The following ENTREP2 variants were observed in gnomAD, a reference collection of about 807,000 sequenced individuals.
The protein encoded by ENTREP2 is protein ENTREP2.
chr15:29,278,765 G>T, the ENTREP2 span, among the ~76,000 whole-genome samples: 1 of 152,226 alleles, frequency 6.6e-6, no homozygotes, highest in Non-Finnish European at 1.5e-5. Context: ...ACAGATGTAA[G>T]AATTTATTTC....
the ENTREP2 span, among the ~76,000 whole-genome samples, chr15:29,460,945 C>A: frequency 6.6e-6 from 1 of 152,166 alleles, no homozygotes; most frequent in African/African-American, 2.4e-5. Context: ...TATCTTCTGA[C>A]CTGTTTTTAG....
At chr15:29,591,837 GAAGAAGAAGAAGAAGAAGAAGAAGA>G in the ENTREP2 span, among the ~76,000 whole-genome samples, 3 of 11,204 alleles carry the variant, frequency 2.7e-4, no homozygotes, top group Non-Finnish European at 6.3e-4. Context: ...CAAAAGAGAA[GAAGAAGAAGAAGAAGAAGAAGAAGA>G]AGAAGAAGAA....
the ENTREP2 span, among the ~76,000 whole-genome samples, chr15:29,484,690 GCTATT>G: frequency 1.3e-5 from 2 of 152,086 alleles, no homozygotes; most frequent in Non-Finnish European, 2.9e-5. Flanking sequence ...CAGCTAAGAT[GCTATT>G]CTATTCATTT....
At chr15:29,215,525 C>T in the ENTREP2 span, among the ~76,000 whole-genome samples, 1 of 151,274 alleles carries the variant, frequency 6.6e-6, no homozygotes, top group Non-Finnish European at 1.5e-5. Context: ...TGCAGACAGC[C>T]TATTGTGAGA....
the ENTREP2 span, chr15:29,610,728 A>G: frequency 6.7e-6 from 1 of 150,294 alleles, no homozygotes; most frequent in Non-Finnish European, 1.5e-5. Flanking sequence ...ATGTTTTTCA[A>G]CACGGTGCTC....
At chr15:29,427,543 C>G in the ENTREP2 span, among the ~76,000 whole-genome samples, 4 of 152,192 alleles carry the variant, frequency 2.6e-5, no homozygotes, top group African/African-American at 9.6e-5. Context: ...CCTTCTCCAG[C>G]TTCCAGAGAC....
At chr15:29,663,352 T>C in the ENTREP2 span, among the ~76,000 whole-genome samples, 1 of 152,004 alleles carries the variant, frequency 6.6e-6, no homozygotes, top group Non-Finnish European at 1.5e-5. Context: ...AAACCCCATC[T>C]CTACTAAAAA....
the ENTREP2 span, among the ~76,000 whole-genome samples, chr15:29,288,786 G>C: frequency 4.6e-5 from 7 of 152,102 alleles, no homozygotes; most frequent in Non-Finnish European, 1.0e-4. Flanking sequence ...GAACACCTTT[G>C]TCATTAAGCA....
chr15:29,307,680 C>A, the ENTREP2 span, among the ~76,000 whole-genome samples: 1 of 152,200 alleles, frequency 6.6e-6, no homozygotes, highest in East Asian at 1.9e-4. Flanking sequence ...GGGTCCTGAC[C>A]CACAAGGATT....
chr15:29,553,227 C>A, the ENTREP2 span, among the ~76,000 whole-genome samples: 25 of 152,264 alleles, frequency 1.6e-4, no homozygotes, highest in Non-Finnish European at 3.1e-4. Flanking sequence ...ACCCAGGAGG[C>A]AGAGGTTGCA....
the ENTREP2 span, among the ~76,000 whole-genome samples, chr15:29,232,701 G>T: frequency 1.3e-5 from 2 of 151,442 alleles, no homozygotes; most frequent in Non-Finnish European, 2.9e-5. Context: ...AAGAGACAGG[G>T]TCTCGCTATA....
the ENTREP2 span, among the ~76,000 whole-genome samples, chr15:29,489,797 T>C: frequency 6.6e-6 from 1 of 152,102 alleles, no homozygotes; most frequent in African/African-American, 2.4e-5. Flanking sequence ...CACGTCTGGG[T>C]ACCATCGCTC....
At chr15:29,570,977 C>CCTCCCCCGCCCGCCCCGCGCG in the ENTREP2 span, among the ~76,000 whole-genome samples, 1 of 145,266 alleles carries the variant, frequency 6.9e-6, no homozygotes, top group African/African-American at 2.5e-5. Flanking sequence ...CGCGCTGCGC[C>CCTCCCCCGCCCGCCCCGCGCG]CTCCCCCGCC....
chr15:29,395,959 A>G, the ENTREP2 span, among the ~76,000 whole-genome samples: 1 of 152,164 alleles, frequency 6.6e-6, no homozygotes, highest in Non-Finnish European at 1.5e-5. Context: ...CTATCTTTGA[A>G]GCTTTCCTCC....
At chr15:29,427,384 TTGC>T in the ENTREP2 span, among the ~76,000 whole-genome samples, 2 of 152,174 alleles carry the variant, frequency 1.3e-5, no homozygotes, top group African/African-American at 4.8e-5. Context: ...TAGTTTCCTA[TTGC>T]TGCTGCAACC....
the ENTREP2 span, among the ~76,000 whole-genome samples, chr15:29,579,110 A>G: frequency 6.6e-6 from 1 of 152,210 alleles, no homozygotes; most frequent in African/African-American, 2.4e-5. Context: ...AGATTTGATA[A>G]TTCTCATCCA....
the ENTREP2 span, among the ~76,000 whole-genome samples, chr15:29,272,743 G>T: frequency 1.3e-5 from 2 of 152,108 alleles, no homozygotes; most frequent in Non-Finnish European, 2.9e-5. Flanking sequence ...GTGCATATGC[G>T]CAATTGCACT....
At chr15:29,458,745 T>C in the ENTREP2 span, among the ~76,000 whole-genome samples, 1 of 152,258 alleles carries the variant, frequency 6.6e-6, no homozygotes, top group Admixed American at 6.5e-5. Context: ...GGATAACACA[T>C]GCTTGAACAC....
At chr15:29,258,360 T>C in the ENTREP2 span, among the ~76,000 whole-genome samples, 1 of 152,126 alleles carries the variant, frequency 6.6e-6, no homozygotes, top group African/African-American at 2.4e-5. Context: ...CAAAAAATAG[T>C]TGCTGAAAAC....
Sources: allele counts gnomAD v4.1 joint callset (sites outside exome capture counted in the v4.1 genomes callset), GRCh38; gene constraint gnomAD v4.1.1; transcripts MANE v1.5; gene names NCBI Gene and HGNC (gene_info 2026-07-23, HGNC 2026-07-21).